NTNG1: variants seen among roughly 807,000 people sequenced by gnomAD.
NTNG1 encodes the protein netrin-G1.
Under a neutral mutation model 54.0 loss-of-function variants are expected in NTNG1, and 16 were observed. The observed-to-expected ratio is 0.30, with a 90% confidence interval of 0.20 to 0.45. The LOEUF (loss-of-function observed/expected upper bound fraction) is 0.45, where lower values mean the gene tolerates loss of function less well. Ranked by LOEUF, NTNG1 falls within the 20% of genes least tolerant of loss-of-function variation. NTNG1 has a pLI of 1.00. For missense variants in NTNG1, 530 were observed against 678.7 expected (o/e 0.78, Z 2.43); for synonymous variants, 255 against 263.1 (o/e 0.97, Z 0.30).
intron 2 of NTNG1, among the ~76,000 whole-genome samples, chr1:107,232,703 G>T (rs968193320): frequency 2.3e-4 from 35 of 152,144 alleles, no homozygotes; most frequent in African/African-American, 8.4e-4. Context: ...GGAATGCCTT[G>T]CATCTTGTAA....
intron 2 of NTNG1, among the ~76,000 whole-genome samples, chr1:107,267,148 C>T (rs1052513737): frequency 6.6e-6 from 1 of 152,164 alleles, no homozygotes; most frequent in Non-Finnish European, 1.5e-5. Flanking sequence ...CCATACTGAG[C>T]CTTCACCTTT....
intron 2 of NTNG1, among the ~76,000 whole-genome samples, chr1:107,265,772 A>G (rs1663695602): frequency 6.6e-6 from 1 of 152,208 alleles, no homozygotes; most frequent in Admixed American, 6.5e-5. Context: ...AGAAGAAATT[A>G]TTTGTTTAAG....
chr1:107,421,598 G>A (rs1200249019), intron 5 of NTNG1, among the ~76,000 whole-genome samples: 2 of 152,062 alleles, frequency 1.3e-5, no homozygotes, highest in Middle Eastern at 3.4e-3. Context: ...AAATTGTTTC[G>A]AATAACTTTG....
chr1:107,271,522 C>T (rs1454848962), intron 2 of NTNG1, among the ~76,000 whole-genome samples: 1 of 152,128 alleles, frequency 6.6e-6, no homozygotes, highest in African/African-American at 2.4e-5. Context: ...TAATAACTAG[C>T]AGACATCAAA....
chr1:107,401,880 G>A (rs1431911534), intron 4 of NTNG1, among the ~76,000 whole-genome samples: 1 of 151,980 alleles, frequency 6.6e-6, no homozygotes, highest in Non-Finnish European at 1.5e-5. Context: ...TCCTCCATCT[G>A]TAAAATCAGC....
chr1:107,406,505 C>T (rs963597672), intron 4 of NTNG1, among the ~76,000 whole-genome samples: 1 of 152,094 alleles, frequency 6.6e-6, no homozygotes, highest in African/African-American at 2.4e-5. Context: ...GGAAACAGTG[C>T]AAAGAAGCTA....
intron 3 of NTNG1, among the ~76,000 whole-genome samples, chr1:107,334,617 A>G (rs976729453): frequency 2.0e-5 from 3 of 151,960 alleles, no homozygotes; most frequent in African/African-American, 7.2e-5. Context: ...TAGAACTGAA[A>G]AAAAAAACAT....
intron 1 of NTNG1, 28 bp downstream of exon 1, chr1:107,141,168 C>G (rs1653638202): frequency 6.6e-6 from 1 of 152,140 alleles, no homozygotes; most frequent in Admixed American, 6.6e-5. Flanking sequence ...AGTGGCGGGC[C>G]GGCGCTGGGT....
intron 3 of NTNG1, among the ~76,000 whole-genome samples, chr1:107,338,224 A>G (rs1668698800): frequency 1.3e-5 from 2 of 152,038 alleles, no homozygotes. Flanking sequence ...GGAAGAAGTA[A>G]ATGTGAAAAG....
rs1669852106 is a variant in NTNG1 at position 107,355,004 on chromosome 1, TTC to T, written c.887+30084_887+30085del. On this transcript the variant is annotated intron_variant, in intron 3 of 7. Coordinates refer to ENST00000370068, the MANE Select transcript of NTNG1 (RefSeq NM_001113226.3). ...CTTTCCTGTTGATAAGCAATGCTACTTCTGTCTTATATTGAGTTTCTCTCTAC... is the reference window on the plus strand; with the variant it reads ...CTTTCCTGTTGATAAGCAATGCTACTTGTCTTATATTGAGTTTCTCTCTAC... Among the ~76,000 whole-genome samples, 3 of 152,334 alleles carry T rather than the reference TTC, an allele frequency of 2.0e-5. No individual in the cohort carries two copies. The South Asian group carries it at 6.2e-4, about 32-fold the overall frequency.
intron 3 of NTNG1, among the ~76,000 whole-genome samples, chr1:107,378,646 G>A (rs11590310): frequency 4.0e-4 from 61 of 152,236 alleles, no homozygotes; most frequent in Non-Finnish European, 2.9e-4. Flanking sequence ...GGAGAAGAAT[G>A]TCGAGGAAGG....
chr1:107,280,380 G>A (rs1188835713), intron 2 of NTNG1, among the ~76,000 whole-genome samples: 1 of 151,438 alleles, frequency 6.6e-6, no homozygotes, highest in Admixed American at 6.6e-5. Context: ...GTGTGTATGT[G>A]TGTTTGCATG....
At position 107,480,595 on chromosome 1, in the gene NTNG1, C is replaced by G; in HGVS notation, c.1391-16C>G. 1 of 360,150 alleles carries G rather than the reference C, an allele frequency of 2.8e-6. No individual in the cohort carries two copies. The highest frequency in any genetic ancestry group is 5.3e-6 in the Non-Finnish European group (1 of 189,350). 22.3% of individuals were successfully genotyped at this position (360,150 alleles called of 1,614,324 possible). ...CCCCGCGCCCACCCACCCCTACCTT[C>G]CCCCTCATTCTGCAGCGAATGTCTG... On this transcript the variant is annotated splice_polypyrimidine_tract_variant and intron_variant, in intron 7 of 7. Transcript: ENST00000370068.
intron 3 of NTNG1, among the ~76,000 whole-genome samples, chr1:107,332,193 T>A (rs1668323038): frequency 6.6e-6 from 1 of 152,106 alleles, no homozygotes; most frequent in South Asian, 2.1e-4. Flanking sequence ...TGTACTATTA[T>A]AAGGAGAGAA....
chr1:107,192,896 A>G (rs1391917398), intron 2 of NTNG1, among the ~76,000 whole-genome samples: 1 of 152,096 alleles, frequency 6.6e-6, no homozygotes, highest in African/African-American at 2.4e-5. Flanking sequence ...TGATTTCCTG[A>G]AAAATGAGAA....
chr1:107,147,579 C>A (rs917568824), intron 1 of NTNG1, among the ~76,000 whole-genome samples: 2 of 151,888 alleles, frequency 1.3e-5, no homozygotes, highest in South Asian at 2.1e-4. Flanking sequence ...GCCAACAATG[C>A]GGATTTTCAC....
chr1:107,216,969 AC>A (rs1660007283), intron 2 of NTNG1, among the ~76,000 whole-genome samples: 2 of 152,002 alleles, frequency 1.3e-5, no homozygotes, highest in Admixed American at 1.3e-4. Flanking sequence ...GAGCCACCAC[AC>A]CCAGCAGATT....
intron 2 of NTNG1, among the ~76,000 whole-genome samples, chr1:107,172,835 C>T (rs1656353262): frequency 6.6e-6 from 1 of 152,102 alleles, no homozygotes. Flanking sequence ...ATTTTTCGAG[C>T]AATAGGTACT....
At chr1:107,205,087 C>A (rs1351771569) in intron 2 of NTNG1, among the ~76,000 whole-genome samples, 1 of 152,144 alleles carries the variant, frequency 6.6e-6, no homozygotes, top group African/African-American at 2.4e-5. Flanking sequence ...AGGACTTTGA[C>A]CCCAGAAGTG....
Sources: allele counts gnomAD v4.1 joint callset (sites outside exome capture counted in the v4.1 genomes callset), GRCh38; gene constraint gnomAD v4.1.1; transcripts MANE v1.5; gene names NCBI Gene and HGNC (gene_info 2026-07-23, HGNC 2026-07-21).